CREG2: variants seen among roughly 807,000 people sequenced by gnomAD.
CREG2 encodes cellular repressor of E1A stimulated genes 2.
In CREG2, 24 loss-of-function variants were observed where a neutral mutation model predicts 26.2. That is an observed-to-expected ratio of 0.92 (90% CI 0.66 to 1.29). The LOEUF (loss-of-function observed/expected upper bound fraction) is 1.29. CREG2 is among the 50% of genes most tolerant of loss of function. The pLI is 0.00. For synonymous variants in CREG2, 174 were observed against 169.2 expected, an observed-to-expected ratio of 1.03 and a Z score of -0.22; for missense variants, 366 against 398.6, an observed-to-expected ratio of 0.92 and a Z score of 0.70.
At position 101,346,608 on chromosome 2, in the gene CREG2, C is replaced by G. The variant is rs1259221492; in HGVS notation, c.*4315G>C. ...TGCAAATGGATATATTAACGGTTAACAAATGAAATGCTGTCTCTTTGTACT... is the reference window on the plus strand; with the variant it reads ...TGCAAATGGATATATTAACGGTTAAGAAATGAAATGCTGTCTCTTTGTACT... On this transcript the variant is annotated 3_prime_UTR_variant, in exon 4 of 4. Coordinates refer to ENST00000324768, the MANE Select transcript of CREG2 (RefSeq NM_153836.4). 1 of 152,292 alleles carries G rather than the reference C, an allele frequency of 6.6e-6. No individual in the cohort carries two copies. The highest frequency in any genetic ancestry group is 2.4e-5 in the African/African-American group (1 of 41,556). 9.4% of individuals were successfully genotyped at this position (152,292 alleles called of 1,614,324 possible).
chr2:101,355,156 T>C (rs6753727), intron 3 of CREG2, 97 bp downstream of exon 3: 365,466 of 775,664 alleles, frequency 0.47, 88,086 homozygotes, highest in East Asian at 0.58. Flanking sequence ...TGGAGACCAA[T>C]CACTTATTGC....
intron 2 of CREG2, among the ~76,000 whole-genome samples, chr2:101,357,964 G>A (rs1427108275): frequency 7.8e-6 from 1 of 128,564 alleles, no homozygotes; most frequent in Non-Finnish European, 1.7e-5. Context: ...GCGACAGAGC[G>A]AGACTCCGTC....
In CREG2 at chr2:101,349,735, A is replaced by G. The variant is rs1485136172; in HGVS notation, c.*1188T>C. 1 of 151,994 alleles carries G rather than the reference A, an allele frequency of 6.6e-6. No homozygotes were observed. The highest frequency in any genetic ancestry group is 2.4e-5 in the African/African-American group (1 of 41,316). The allele number at this position is 151,994 out of a possible 1,614,324, so 9.4% of individuals were successfully genotyped here. On this transcript the variant is annotated 3_prime_UTR_variant, in exon 4 of 4. Coordinates refer to ENST00000324768, the MANE Select transcript of CREG2 (RefSeq NM_153836.4). ...AAATCTGTAGTAAGAATCAAATTTC[A>G]GAGACTTTTTTTTTTTTTCCAAAAG... is the stretch of plus-strand genomic sequence containing the variant.
At chr2:101,376,419 C>T (rs971842476) in intron 2 of CREG2, among the ~76,000 whole-genome samples, 13 of 151,856 alleles carry the variant, frequency 8.6e-5, no homozygotes, top group Middle Eastern at 3.2e-3. Flanking sequence ...CTGGGACTAC[C>T]GGCCCCCACC....
At chr2:101,351,116 A>G (rs758101719) in intron 3 of CREG2, 46 bp from the exon 4 acceptor site, 27 of 1,593,508 alleles carry the variant, frequency 1.7e-5, no homozygotes, top group Non-Finnish European at 1.0e-5. Context: ...CTTATCAGAG[A>G]GGTGCACCCT....
intron 1 of CREG2, among the ~76,000 whole-genome samples, chr2:101,384,305 G>T (rs374480135): frequency 1.8e-4 from 27 of 152,274 alleles, no homozygotes; most frequent in South Asian, 4.1e-4. Context: ...AAATTGATTT[G>T]TTACCCTTTT....
intron 2 of CREG2, among the ~76,000 whole-genome samples, chr2:101,372,227 GT>G (rs2104480026): frequency 1.3e-5 from 2 of 152,314 alleles, no homozygotes; most frequent in East Asian, 3.9e-4. Context: ...TCAAATGATG[GT>G]GACAAGTAAG....
chr2:101,366,660 A>C (rs921566418), intron 2 of CREG2, among the ~76,000 whole-genome samples: 14 of 152,062 alleles, frequency 9.2e-5, no homozygotes, highest in Admixed American at 2.6e-4. Context: ...CATCTCTACT[A>C]AAAATACAAA....
intron 2 of CREG2, among the ~76,000 whole-genome samples, chr2:101,367,069 AG>A (rs1684628351): frequency 6.6e-6 from 1 of 152,154 alleles, no homozygotes; most frequent in Non-Finnish European, 1.5e-5. Flanking sequence ...ATGGATACCA[AG>A]GGATAAATGT....
chr2:101,368,608 A>G (rs1440715673), intron 2 of CREG2, among the ~76,000 whole-genome samples: 1 of 152,216 alleles, frequency 6.6e-6, no homozygotes, highest in East Asian at 1.9e-4. Flanking sequence ...ACAACATGGA[A>G]TCCTGAGAGT....
At chr2:101,359,465 A>T (rs1684509361) in intron 2 of CREG2, among the ~76,000 whole-genome samples, 1 of 152,140 alleles carries the variant, frequency 6.6e-6, no homozygotes, top group African/African-American at 2.4e-5. Flanking sequence ...GAGCCCACTT[A>T]CCCGGCTCCT....
intron 2 of CREG2, among the ~76,000 whole-genome samples, chr2:101,360,168 C>T (rs1684519330): frequency 6.6e-6 from 1 of 152,020 alleles, no homozygotes; most frequent in Non-Finnish European, 1.5e-5. Context: ...TGTTGATTTA[C>T]TGGGCACTAA....
At chr2:101,368,838 T>C (rs1395539043) in intron 2 of CREG2, among the ~76,000 whole-genome samples, 1 of 152,178 alleles carries the variant, frequency 6.6e-6, no homozygotes, top group Non-Finnish European at 1.5e-5. Flanking sequence ...GAGCAGGTGC[T>C]CACCAGACAC....
intron 3 of CREG2, among the ~76,000 whole-genome samples, chr2:101,351,603 A>C (rs1684382304): frequency 6.6e-6 from 1 of 152,194 alleles, no homozygotes; most frequent in South Asian, 2.1e-4. Context: ...GTCGTGCAGC[A>C]GGCTGAGAGC....
intron 2 of CREG2, among the ~76,000 whole-genome samples, chr2:101,376,260 C>T (rs1204122631): frequency 7.1e-6 from 1 of 141,116 alleles, no homozygotes; most frequent in Non-Finnish European, 1.5e-5. Flanking sequence ...TGGTTATTTT[C>T]CGAATTTAAT....
intron 2 of CREG2, among the ~76,000 whole-genome samples, chr2:101,374,166 C>T (rs1684753422): frequency 6.6e-6 from 1 of 152,156 alleles, no homozygotes; most frequent in African/African-American, 2.4e-5. Flanking sequence ...CACTTGAGGC[C>T]CAGTAGTTCT....
At chr2:101,374,633 C>G (rs964697429) in intron 2 of CREG2, among the ~76,000 whole-genome samples, 4 of 152,234 alleles carry the variant, frequency 2.6e-5, no homozygotes, top group Non-Finnish European at 5.9e-5. Flanking sequence ...TACGTCTTGG[C>G]TCTTAGCAAG....
Position 101,383,524 on chromosome 2 carries a change from G to A in CREG2, c.611+9C>T, listed in dbSNP as rs760043904. Reference sequence around the variant, plus strand: ...GGACCCGTGTGAGTGAGGGCAAACCGTCGTCTACCTGCAGAACTCCCCTTC... The same window carrying A: ...GGACCCGTGTGAGTGAGGGCAAACCATCGTCTACCTGCAGAACTCCCCTTC... On this transcript the variant is annotated intron_variant, in intron 2 of 3. Coordinates refer to ENST00000324768, the MANE Select transcript of CREG2 (RefSeq NM_153836.4). 5.6e-6 allele frequency: 9 copies of A among 1,613,228 alleles called. No individual in the cohort carries two copies. Among genetic ancestry groups the A allele is most frequent in the South Asian group, 1.1e-5 (1 of 91,002 alleles).
Position 101,363,199 on chromosome 2 carries a change from T to A in CREG2, c.612-7833A>T, listed in dbSNP as rs112580153. On this transcript the variant is annotated intron_variant, in intron 2 of 3. Transcript: ENST00000324768. ...TTTCATGCCCAAGGCATGGACGCCA[T>A]TGTACTGGGGATTCCAGAATGCTTC... Among the ~76,000 whole-genome samples, 572 of 152,344 alleles carry A rather than the reference T, an allele frequency of 3.8e-3. 4 individuals are homozygous for A. Among genetic ancestry groups the A allele is most frequent in the African/African-American group, 0.012 (493 of 41,580 alleles).
Sources: gnomAD v4.1 joint callset for allele counts (sites outside exome capture counted in the v4.1 genomes callset) on GRCh38, gnomAD v4.1.1 for gene constraint, MANE v1.5 for transcripts, NCBI Gene and HGNC (gene_info 2026-07-23, HGNC 2026-07-21) for gene names.